ALG8: variants seen among roughly 807,000 people sequenced by gnomAD.
The protein encoded by ALG8 is dolichyl pyrophosphate Glc1Man9GlcNAc2 alpha-1,3-glucosyltransferase.
A neutral mutation model predicts 70.2 loss-of-function variants in ALG8; 48 were observed. That is an observed-to-expected ratio of 0.68 (90% CI 0.54 to 0.87). The LOEUF (loss-of-function observed/expected upper bound fraction) is 0.87. ALG8 is among the 40% of genes least tolerant of loss of function. The probability of loss-of-function intolerance (pLI) is 0.00; values close to 1 mark genes in which losing one functional copy is unlikely to be tolerated. For synonymous variants in ALG8, 234 were observed against 229.0 expected (o/e 1.02, Z -0.20); for missense variants, 572 against 608.7 (o/e 0.94, Z 0.64).
At chr11:78,130,519 C>T (rs1218130835) in intron 1 of ALG8, among the ~76,000 whole-genome samples, 2 of 152,030 alleles carry the variant, frequency 1.3e-5, no homozygotes, top group Admixed American at 1.3e-4. Context: ...ATGATTTGCA[C>T]TTCTGGTATT....
chr11:78,138,581 G>A (rs1861651832), intron 1 of ALG8: 3 of 385,450 alleles, frequency 7.8e-6, no homozygotes, highest in South Asian at 5.8e-5. Context: ...TGAATCAAAG[G>A]ATACCAATAA....
intron 10 of ALG8, 62 bp downstream of exon 10, chr11:78,106,745 A>T: frequency 6.2e-7 from 1 of 1,606,604 alleles, no homozygotes; most frequent in Non-Finnish European, 8.5e-7. Flanking sequence ...GGACAGAGCA[A>T]ATAGAAAATA....
intron 1 of ALG8, chr11:78,133,356 C>T (rs1861390464): frequency 6.6e-6 from 1 of 152,168 alleles, no homozygotes; most frequent in Non-Finnish European, 1.5e-5. Context: ...ACTTCCCTCT[C>T]ATATCCCAGG....
chr11:78,114,057 G>T, intron 6 of ALG8, 68 bp from the exon 7 acceptor site: 2 of 1,451,056 alleles, frequency 1.4e-6, no homozygotes, highest in Non-Finnish European at 1.9e-6. Flanking sequence ...CCTATATCAT[G>T]TGCTAAAACT....
At chr11:78,113,830 T>A in intron 7 of ALG8, 56 bp downstream of exon 7, 5 of 1,357,400 alleles carry the variant, frequency 3.7e-6, no homozygotes, top group Non-Finnish European at 4.0e-6. Context: ...TATTAGGTTT[T>A]CTAAACACCA....
intron 5 of ALG8, among the ~76,000 whole-genome samples, chr11:78,115,930 C>G (rs12790063): frequency 6.6e-6 from 1 of 152,264 alleles, no homozygotes; most frequent in East Asian, 1.9e-4. Context: ...ATATAGGATG[C>G]TATGCTACCA....
At chr11:78,108,577 T>A (rs1469503538) in intron 9 of ALG8, among the ~76,000 whole-genome samples, 1 of 152,266 alleles carries the variant, frequency 6.6e-6, no homozygotes, top group Admixed American at 6.5e-5. Context: ...AGTCCATAGA[T>A]GCTTTTGAGC....
intron 5 of ALG8, among the ~76,000 whole-genome samples, chr11:78,115,806 A>T (rs1272362196): frequency 6.6e-6 from 1 of 152,232 alleles, no homozygotes; most frequent in Non-Finnish European, 1.5e-5. Flanking sequence ...ACATACTGCA[A>T]ACTCTCCTTT....
intron 12 of ALG8, 92 bp downstream of exon 12, chr11:78,103,888 A>G (rs969512387): frequency 2.8e-6 from 2 of 703,272 alleles, no homozygotes; most frequent in Non-Finnish European, 4.7e-6. Flanking sequence ...TTACTGTTAT[A>G]ACTTAAAAAT....
chr11:78,115,686 A>G (rs1860530986), intron 5 of ALG8, among the ~76,000 whole-genome samples: 1 of 152,126 alleles, frequency 6.6e-6, no homozygotes, highest in South Asian at 2.1e-4. Flanking sequence ...CGACCAGCCC[A>G]GCTAGCTTTT....
chr11:78,104,214 G>A (rs1191006420), intron 11 of ALG8, 142 bp downstream of exon 11: 2 of 972,202 alleles, frequency 2.1e-6, no homozygotes, highest in Non-Finnish European at 3.0e-6. Context: ...AGAATTACAG[G>A]AAATTGGAGG....
At chr11:78,130,477 C>T (rs1176161449) in intron 1 of ALG8, among the ~76,000 whole-genome samples, 1 of 151,244 alleles carries the variant, frequency 6.6e-6, no homozygotes, top group African/African-American at 2.4e-5. Flanking sequence ...CAGATGTATT[C>T]ACTTTGCAAA....
intron 4 of ALG8, 107 bp from the exon 5 acceptor site, chr11:78,119,356 CA>C (rs1458356202): frequency 1.7e-5 from 12 of 726,578 alleles, no homozygotes; most frequent in Non-Finnish European, 2.9e-5. Flanking sequence ...AAATTAAAGA[CA>C]AAAAATACTA....
chr11:78,117,611 CAAAAA>C (rs55823839), intron 5 of ALG8, among the ~76,000 whole-genome samples: 1 of 128,564 alleles, frequency 7.8e-6, no homozygotes. Flanking sequence ...CCTTCTCTAC[CAAAAA>C]AAAAAAAAAA....
In ALG8 at chr11:78,121,067, T is replaced by C; in HGVS notation, c.476A>G (p.Asp159Gly). 2 of 1,611,254 alleles carry C rather than the reference T, an allele frequency of 1.2e-6. No homozygotes were observed. Among genetic ancestry groups the C allele is most frequent in the Non-Finnish European group, 1.7e-6 (2 of 1,177,626 alleles). Residue 159 changes from aspartate to glycine, a missense_variant and splice_region_variant, in exon 4 of 13, where the codon GAC (aspartate) becomes GGC (glycine). By Grantham distance (94) the Asp-to-Gly change is moderately conservative (BLOSUM62 -1). Coordinates refer to ENST00000299626, the MANE Select transcript of ALG8 (RefSeq NM_024079.5). The part of the protein sequence containing the change: ...LLWNFGLLIV[D>G]HIHFQYNGFL... ...AGTACATAGAATATCAAGGATACGGTCCACAATTAATAACCCGAAGTTCCA... is the reference window on the plus strand; with the variant it reads ...AGTACATAGAATATCAAGGATACGGCCCACAATTAATAACCCGAAGTTCCA...
At chr11:78,127,676 G>A (rs1353083269) in intron 1 of ALG8, among the ~76,000 whole-genome samples, 4 of 151,606 alleles carry the variant, frequency 2.6e-5, no homozygotes, top group African/African-American at 9.7e-5. Flanking sequence ...CTACCTAAAG[G>A]GCTGACAAGA....
intron 5 of ALG8, among the ~76,000 whole-genome samples, chr11:78,117,611 C>CAA (rs55823839): frequency 0.035 from 4,530 of 128,498 alleles, 261 homozygotes; most frequent in African/African-American, 0.12. Flanking sequence ...CCTTCTCTAC[C>CAA]AAAAAAAAAA....
At chr11:78,111,050 G>A (rs559728464) in intron 8 of ALG8, among the ~76,000 whole-genome samples, 1 of 152,292 alleles carries the variant, frequency 6.6e-6, no homozygotes, top group Non-Finnish European at 1.5e-5. Flanking sequence ...AGAATGCCAT[G>A]TACATCAAGG....
intron 3 of ALG8, among the ~76,000 whole-genome samples, 190 bp from the exon 4 acceptor site, chr11:78,121,364 C>T (rs1466269598): frequency 6.7e-6 from 1 of 148,838 alleles, no homozygotes; most frequent in Non-Finnish European, 1.5e-5. Context: ...AGGCTGATCT[C>T]GAACTCCTGG....
Sources: gnomAD v4.1 joint callset for allele counts (sites outside exome capture counted in the v4.1 genomes callset) on GRCh38, gnomAD v4.1.1 for gene constraint, MANE v1.5 for transcripts, NCBI Gene and HGNC (gene_info 2026-07-23, HGNC 2026-07-21) for gene names.